CR1: variants seen among roughly 807,000 people sequenced by gnomAD.
The protein encoded by CR1 is complement C3b/C4b receptor 1 (Knops blood group).
Under a neutral mutation model 187.3 loss-of-function variants are expected in CR1, and 116 were observed. The ratio of observed to expected loss-of-function variants is 0.62; its 90% CI spans 0.53 to 0.72. CR1 has a LOEUF of 0.72. Among genes scored for constraint, CR1 ranks in the 30% least tolerant of loss-of-function variants. The pLI is 0.00. For synonymous variants in CR1, 576 were observed against 747.1 expected, an observed-to-expected ratio of 0.77 and a Z score of 3.73; for missense variants, 1,731 against 2,110.7, an observed-to-expected ratio of 0.82 and a Z score of 3.52.
At chr1:207,639,293 G>T in intron 46 of CR1, 104 bp from the exon 47 acceptor site, 1 of 1,048,054 alleles carries the variant, frequency 9.5e-7, no homozygotes, top group South Asian at 1.5e-5. Context: ...CTGTTATTGT[G>T]GAATAAAGTT....
At chr1:207,601,866 C>T (rs771569684) in intron 35 of CR1, among the ~76,000 whole-genome samples, 1 of 151,798 alleles carries the variant, frequency 6.6e-6, no homozygotes, top group Non-Finnish European at 1.5e-5. Flanking sequence ...TGTGGGTTGT[C>T]TTTTTAATCT....
rs1282563895 is a variant in CR1 at position 207,640,499 on chromosome 1, A to G, written c.*1090A>G. On this transcript the variant is annotated 3_prime_UTR_variant, in exon 47 of 47. Transcript: ENST00000367049. The stretch of plus-strand genomic sequence containing the variant: ...GTGCTGTGTTCTATATAAAAAACAT[A>G]ATAAAAATTGAAATGAAAGAATAAT... The G allele has an allele frequency of 6.6e-6, 1 of 152,256 alleles. No individual in the cohort carries two copies. 9.4% of individuals were successfully genotyped at this position (152,256 alleles called of 1,614,324 possible). A position where few individuals can be genotyped will look rare whatever the true frequency, so the allele number is the denominator to read the frequency against.
rs1371650664 is a variant in CR1 at position 207,640,829 on chromosome 1, T to G, written c.*1420T>G. On this transcript the variant is annotated 3_prime_UTR_variant, in exon 47 of 47. Transcript: ENST00000367049. ...GTTTAATAGTTGCTTTAAAGGTGAA[T>G]TTTGCCACATTTACTTTGACAGCAG... The G allele has an allele frequency of 6.6e-6, 1 of 152,180 alleles. No homozygotes were observed. The highest frequency in any genetic ancestry group is 1.5e-5 in the Non-Finnish European group (1 of 68,040). 9.4% of individuals were successfully genotyped at this position (152,180 alleles called of 1,614,324 possible).
chr1:207,575,456 G>C (rs1308916987), intron 27 of CR1, 139 bp from the exon 28 acceptor site: 1 of 1,041,930 alleles, frequency 9.6e-7, no homozygotes, highest in Non-Finnish European at 1.5e-6. Flanking sequence ...AAATAGAAGA[G>C]CTGGAAACAA....
chr1:207,513,858 T>C (rs1029160265), intron 4 of CR1, among the ~76,000 whole-genome samples: 1 of 151,288 alleles, frequency 6.6e-6, no homozygotes, highest in Non-Finnish European at 1.5e-5. Flanking sequence ...GGACCACCAG[T>C]ATAACATTGA....
intron 1 of CR1, among the ~76,000 whole-genome samples, chr1:207,504,086 G>A (rs1030878152): frequency 6.6e-6 from 1 of 152,200 alleles, no homozygotes; most frequent in Admixed American, 6.5e-5. Flanking sequence ...AGAGGGGAAA[G>A]GCATTAAATT....
At position 207,506,084 on chromosome 1, in the gene CR1, G is replaced by T. The variant is rs199647026; in HGVS notation, c.301+1G>T. 3.1e-6 allele frequency: 5 copies of T among 1,612,674 alleles called. No individual in the cohort carries two copies. The Middle Eastern group carries it at 8.3e-4, about 266-fold the overall frequency. ...ACTGGTGCTAAGGACAGGTGCAGACGTAAGTAACTCTGGAGTGGGAACCCC... is the reference window on the plus strand; with the variant it reads ...ACTGGTGCTAAGGACAGGTGCAGACTTAAGTAACTCTGGAGTGGGAACCCC... On this transcript the variant is annotated splice_donor_variant, in intron 2 of 46. Coordinates refer to ENST00000367049, the MANE Select transcript of CR1 (RefSeq NM_000651.6). LOFTEE classifies it high-confidence loss of function.
At chr1:207,516,562 G>T (rs1659814240) in intron 4 of CR1, among the ~76,000 whole-genome samples, 1 of 152,070 alleles carries the variant, frequency 6.6e-6, no homozygotes, top group African/African-American at 2.4e-5. Flanking sequence ...TTAAGTTTCT[G>T]TTGACTCAGT....
intron 2 of CR1, 44 bp from the exon 3 acceptor site, chr1:207,506,670 T>A: frequency 6.4e-7 from 1 of 1,566,894 alleles, no homozygotes; most frequent in Non-Finnish European, 8.8e-7. Context: ...AAAAAGTTTT[T>A]AGTTTACTCT....
At chr1:207,517,904 C>G (rs1659852592) in intron 4 of CR1, among the ~76,000 whole-genome samples, 1 of 151,988 alleles carries the variant, frequency 6.6e-6, no homozygotes, top group Non-Finnish European at 1.5e-5. Flanking sequence ...ATTAGTTTTA[C>G]CGGGGCTTTA....
In CR1 at chr1:207,621,454, AG is replaced by A. The variant is rs546452444; in HGVS notation, c.7253-518del. Among the ~76,000 whole-genome samples the A allele has an allele frequency of 3.6e-3, 551 of 152,312 alleles. 2 individuals carry two copies. The highest frequency in any genetic ancestry group is 7.3e-3 in the Admixed American group (112 of 15,298). The stretch of plus-strand genomic sequence containing the variant: ...AATAATACAACTATTCCTGCCAGTT[AG>A]CCCTCCTAGAAATTTAATCTAAGGA... On this transcript the variant is annotated intron_variant, in intron 43 of 46. Coordinates refer to ENST00000367049, the MANE Select transcript of CR1 (RefSeq NM_000651.6).
At chr1:207,581,215 T>TATGTGTATAC (rs1660931870) in intron 31 of CR1, among the ~76,000 whole-genome samples, 1 of 144,212 alleles carries the variant, frequency 6.9e-6, no homozygotes. Flanking sequence ...GACGTATACA[T>TATGTGTATAC]ATGGACACGT....
intron 24 of CR1, among the ~76,000 whole-genome samples, chr1:207,566,940 G>C (rs954051280): frequency 2.0e-5 from 3 of 150,242 alleles, no homozygotes; most frequent in African/African-American, 7.6e-5. Context: ...AACTTATATA[G>C]AGATTCTTGC....
chr1:207,633,635 T>C (rs1017162750), intron 46 of CR1, among the ~76,000 whole-genome samples: 1 of 152,246 alleles, frequency 6.6e-6, no homozygotes, highest in Non-Finnish European at 1.5e-5. Context: ...TTTTCCATGC[T>C]AAATTAACTT....
chr1:207,505,462 AC>A (rs1659397443), intron 1 of CR1, among the ~76,000 whole-genome samples: 1 of 152,002 alleles, frequency 6.6e-6, no homozygotes, highest in Non-Finnish European at 1.5e-5. Flanking sequence ...CCACTCCTGC[AC>A]CCCTTGGCTA....
chr1:207,626,095 A>G (rs1363720565), intron 45 of CR1, among the ~76,000 whole-genome samples: 1 of 152,164 alleles, frequency 6.6e-6, no homozygotes, highest in Non-Finnish European at 1.5e-5. Context: ...AATTCCTTTC[A>G]TGGTTAGCTT....
At chr1:207,603,219 CT>C (rs1661655233) in intron 35 of CR1, among the ~76,000 whole-genome samples, 2 of 152,054 alleles carry the variant, frequency 1.3e-5, no homozygotes, top group Non-Finnish European at 2.9e-5. Context: ...ATACCCACCT[CT>C]CAGTGTCTGG....
chr1:207,507,640 G>A (rs1484362050), intron 3 of CR1: 1 of 152,254 alleles, frequency 6.6e-6, no homozygotes, highest in African/African-American at 2.4e-5. Context: ...ATATTTCGGG[G>A]TAAGGGGGAC....
chr1:207,511,207 A>AC (rs1322180744), intron 3 of CR1, among the ~76,000 whole-genome samples: 1 of 152,224 alleles, frequency 6.6e-6, no homozygotes, highest in African/African-American at 2.4e-5. Context: ...AGAAATACAT[A>AC]CAACAGGACT....
Sources: gnomAD v4.1 joint callset for allele counts (sites outside exome capture counted in the v4.1 genomes callset) on GRCh38, gnomAD v4.1.1 for gene constraint, MANE v1.5 for transcripts, NCBI Gene and HGNC (gene_info 2026-07-23, HGNC 2026-07-21) for gene names.